The following GNAS variants were observed in gnomAD, a reference collection of about 807,000 sequenced individuals.
GNAS encodes protein ALEX.
In GNAS, 8 loss-of-function variants were observed where a neutral mutation model predicts 54.5. The ratio of observed to expected loss-of-function variants is 0.15; its 90% CI spans 0.09 to 0.26. The LOEUF (loss-of-function observed/expected upper bound fraction) is 0.26. Ranked by LOEUF, GNAS falls within the 10% of genes least tolerant of loss-of-function variation. The pLI is 1.00. For missense variants in GNAS, 170 were observed against 529.8 expected (o/e 0.32, Z 6.67); for synonymous variants, 204 against 191.4 (o/e 1.07, Z -0.54).
upstream of GNAS, among the ~76,000 whole-genome samples, chr20:58,887,484 G>A (rs1223119722): frequency 6.6e-6 from 1 of 152,198 alleles, no homozygotes; most frequent in Admixed American, 6.5e-5. Flanking sequence ...AGTACAGGCA[G>A]CCTAGGAATC....
intron 5 of GNAS, among the ~76,000 whole-genome samples, chr20:58,904,579 A>G (rs970483585): frequency 2.0e-5 from 3 of 152,228 alleles, no homozygotes; most frequent in African/African-American, 7.2e-5. Context: ...ATGCGTTTGT[A>G]AGACCCACAG....
chr20:58,864,925 C>A (rs994414114), intron 1 of GNAS, among the ~76,000 whole-genome samples: 5 of 135,374 alleles, frequency 3.7e-5, no homozygotes, highest in African/African-American at 1.3e-4. Context: ...CCCCTACCTA[C>A]CAGACACACA....
At chr20:58,850,812 T>A (rs935491046) in intron 1 of GNAS, 12 of 398,604 alleles carry the variant, frequency 3.0e-5, no homozygotes, top group Non-Finnish European at 4.9e-5. Context: ...GTCCTCGTGG[T>A]CTTCCAGGCC....
chr20:58,858,994 C>G (rs1277591775), intron 1 of GNAS, among the ~76,000 whole-genome samples: 2 of 152,148 alleles, frequency 1.3e-5, no homozygotes, highest in Non-Finnish European at 2.9e-5. Context: ...TTAATTCTTA[C>G]AGATTTCTCT....
chr20:58,840,323 G>A, upstream of GNAS: 1 of 1,612,958 alleles, frequency 6.2e-7, no homozygotes, highest in Non-Finnish European at 8.5e-7. This position sits in a 1 kb window ranked among gnomAD's most constrained non-coding sequence, Gnocchi z 6.0. Flanking sequence ...CCGCTCCGGC[G>A]CCCAGGTATT....
intron 1 of GNAS, chr20:58,855,978 C>T (rs1408303272): frequency 7.3e-6 from 2 of 275,550 alleles, no homozygotes; most frequent in Non-Finnish European, 1.4e-5. Flanking sequence ...GTGGTACCTG[C>T]GCCCGGGCGC....
chr20:58,896,240 C>T (rs1423384939), intron 2 of GNAS, among the ~76,000 whole-genome samples: 6 of 151,646 alleles, frequency 4.0e-5, no homozygotes, highest in South Asian at 2.1e-4. Flanking sequence ...TTTTTTTGTC[C>T]CCCTTTAAAT....
intron 3 of GNAS, 50 bp from the exon 4 acceptor site, chr20:58,903,481 T>C (rs748307803): frequency 6.9e-7 from 1 of 1,459,464 alleles, no homozygotes; most frequent in South Asian, 1.1e-5. Flanking sequence ...GCAGTACTCC[T>C]AACTGACATG....
intron 1 of GNAS, chr20:58,854,722 A>G: frequency 6.5e-7 from 1 of 1,534,306 alleles, no homozygotes; most frequent in African/African-American, 1.4e-5. Flanking sequence ...CGGGCAGCCC[A>G]TGTCGCCCCA....
rs147984566 is a variant in GNAS at position 58,909,545 on chromosome 20, C to T, written c.684C>T (p.Arg228=). 6.4e-5 allele frequency: 103 copies of T among 1,614,016 alleles called. No individual in the cohort carries two copies. The highest frequency in any genetic ancestry group is 9.9e-5 in the South Asian group (9 of 91,090). ...NFHMFDVGGQ[R]DERRKWIQCF... The stretch of plus-strand genomic sequence containing the variant: ...GCATGTTTGACGTGGGTGGCCAGCG[C>T]GATGAACGCCGCAAGTGGATCCAGT... The change falls in exon 9 of 13, where the codon CGC becomes CGT. Residue 228 remains arginine (R), a synonymous_variant. Transcript: ENST00000371085. The surrounding 1 kb of genome is among the most constrained non-coding windows in gnomAD (Gnocchi z 7.3).
At chr20:58,868,819 G>A (rs1251942423) in intron 1 of GNAS, among the ~76,000 whole-genome samples, 1 of 152,136 alleles carries the variant, frequency 6.6e-6, no homozygotes, top group African/African-American at 2.4e-5. Flanking sequence ...GGAAATAAAT[G>A]AGAACACAAA....
At chr20:58,846,240 AAG>A (rs113265386) in intron 1 of GNAS, among the ~76,000 whole-genome samples, 7 of 152,288 alleles carry the variant, frequency 4.6e-5, no homozygotes, top group African/African-American at 1.4e-4. Flanking sequence ...TGAAGGAATA[AAG>A]AGAGTCTTGA....
chr20:58,868,288 G>T (rs1372975200), intron 1 of GNAS, among the ~76,000 whole-genome samples: 1 of 151,996 alleles, frequency 6.6e-6, no homozygotes, highest in Non-Finnish European at 1.5e-5. Flanking sequence ...CAAAGTGCTG[G>T]GATTACAGGC....
upstream of GNAS, chr20:58,840,742 G>A: frequency 6.2e-7 from 1 of 1,605,712 alleles, no homozygotes; most frequent in Non-Finnish European, 8.5e-7. The surrounding 1 kb of genome is among the most constrained non-coding windows in gnomAD (Gnocchi z 6.0). Context: ...AGCCCAAGGA[G>A]GAGAAGCAGC....
intron 1 of GNAS, among the ~76,000 whole-genome samples, chr20:58,871,721 G>A (rs2087480960): frequency 6.7e-6 from 1 of 148,228 alleles, no homozygotes; most frequent in Non-Finnish European, 1.5e-5. Context: ...AGAAGGAAGG[G>A]AGGGAGGAGG....
At chr20:58,908,704 G>C (rs930932477) in intron 6 of GNAS, among the ~76,000 whole-genome samples, 5 of 152,098 alleles carry the variant, frequency 3.3e-5, no homozygotes, top group Non-Finnish European at 7.3e-5. Context: ...TGATAGGCCA[G>C]CCTGGTTTTG....
intron 6 of GNAS, among the ~76,000 whole-genome samples, chr20:58,908,409 T>TTC (rs1392952558): frequency 6.6e-6 from 1 of 152,172 alleles, no homozygotes; most frequent in Non-Finnish European, 1.5e-5. Context: ...TTGTTTCCTG[T>TTC]TCAGGATGGC....
chr20:58,891,397 AGCGGCGGCG>A (rs1010612633), upstream of GNAS: 41 of 242,268 alleles, frequency 1.7e-4, no homozygotes, highest in Non-Finnish European at 2.3e-4. Context: ...AGGCAATAAG[AGCGGCGGCG>A]GCGGCAGCGG....
chr20:58,882,509 T>A (rs1046583878), intron 1 of GNAS, among the ~76,000 whole-genome samples: 5 of 152,216 alleles, frequency 3.3e-5, no homozygotes, highest in African/African-American at 1.2e-4. Context: ...AAAATTTGAG[T>A]TAGGCATCAC....
Sources: gnomAD v4.1 joint callset for allele counts (sites outside exome capture counted in the v4.1 genomes callset) on GRCh38, gnomAD v4.1.1 for gene constraint, Gnocchi (gnomAD v3.1) non-coding constraint, MANE v1.5 for transcripts, NCBI Gene and HGNC (gene_info 2026-07-23, HGNC 2026-07-21) for gene names.